TLN2: variants seen among roughly 807,000 people sequenced by gnomAD.
TLN2 encodes the protein talin 2.
Under a neutral mutation model 294.7 loss-of-function variants are expected in TLN2, and 118 were observed. The observed-to-expected ratio is 0.40, with a 90% CI of 0.34 to 0.47. The LOEUF is 0.47. TLN2 is among the 20% of genes least tolerant of loss of function. The pLI, the probability that TLN2 is intolerant of heterozygous loss-of-function variation, is 0.84. For synonymous variants in TLN2, 1,431 were observed against 1,304.5 expected (o/e 1.10, Z -2.09); for missense variants, 3,083 against 3,282.2 (o/e 0.94, Z 1.48).
At chr15:62,826,031 CAT>C (rs774295311) in intron 54 of TLN2, among the ~76,000 whole-genome samples, 30 of 148,786 alleles carry the variant, frequency 2.0e-4, no homozygotes, top group Middle Eastern at 3.4e-3. Context: ...GTCTCAAAAA[CAT>C]AAATAAATAA....
At chr15:62,630,304 C>A (rs1272355254) in intron 3 of TLN2, among the ~76,000 whole-genome samples, 4 of 152,182 alleles carry the variant, frequency 2.6e-5, no homozygotes, top group Non-Finnish European at 4.4e-5. Flanking sequence ...AAGGTACTTA[C>A]CTTCCTTAAA....
intron 1 of TLN2, among the ~76,000 whole-genome samples, chr15:62,503,967 C>T (rs2039445586): frequency 6.6e-6 from 1 of 150,896 alleles, no homozygotes; most frequent in African/African-American, 2.4e-5. Context: ...GGGATTTGGG[C>T]GCCACATCTG....
At chr15:62,553,804 T>G in intron 1 of TLN2, among the ~76,000 whole-genome samples, 1 of 152,220 alleles carries the variant, frequency 6.6e-6, no homozygotes. Context: ...AAATGCTTCC[T>G]TATTATTTAT....
At chr15:62,567,145 A>G (rs1353141637) in intron 1 of TLN2, among the ~76,000 whole-genome samples, 1 of 152,216 alleles carries the variant, frequency 6.6e-6, no homozygotes, top group Non-Finnish European at 1.5e-5. Flanking sequence ...TTTACTGGCT[A>G]AGTAGTATCC....
At chr15:62,694,857 C>T (rs1054372203) in intron 14 of TLN2, among the ~76,000 whole-genome samples, 74 of 152,182 alleles carry the variant, frequency 4.9e-4, no homozygotes, top group Admixed American at 4.5e-3. Flanking sequence ...ATAGTGCAGG[C>T]GAGTGGTTAA....
chr15:62,609,211 A>G (rs1488220208), intron 2 of TLN2, among the ~76,000 whole-genome samples: 1 of 152,238 alleles, frequency 6.6e-6, no homozygotes, highest in Non-Finnish European at 1.5e-5. Context: ...AGCTGAAAAT[A>G]CAGCACAAAA....
chr15:62,579,340 G>A (rs912774123), intron 1 of TLN2, among the ~76,000 whole-genome samples: 6 of 152,158 alleles, frequency 3.9e-5, no homozygotes, highest in African/African-American at 1.4e-4. Context: ...TGAATTTTGA[G>A]GGTTACAATA....
At chr15:62,783,642 C>T (rs1595979450) in intron 44 of TLN2, 129 bp from the exon 45 acceptor site, 2 of 1,441,462 alleles carry the variant, frequency 1.4e-6, no homozygotes, top group South Asian at 3.0e-5. Flanking sequence ...GCCTGGCCTT[C>T]ACCCCCTCAG....
chr15:62,697,738 G>T lies in TLN2; in HGVS notation c.1343G>T (p.Gly448Val). The T allele has an allele frequency of 6.2e-7, 1 of 1,611,296 alleles. No individual in the cohort carries two copies. Among genetic ancestry groups the T allele is most frequent in the Non-Finnish European group, 8.5e-7 (1 of 1,178,094 alleles). The change falls in exon 15 of 59, where the codon GGC becomes GTC. Residue 448 changes from glycine (G) to valine (V), a missense_variant. Gly to Val is a moderately radical substitution (Grantham distance 109). Coordinates refer to ENST00000636159, the MANE Select transcript of TLN2 (RefSeq NM_015059.3). ...QFNRTGKAEH[G>V]SVALPAVMRS... ...AACCGGACCGGGAAGGCAGAGCACGGCTCAGTGGCGCTGCCGGCCGTGATG... is the reference window on the plus strand; with the variant it reads ...AACCGGACCGGGAAGGCAGAGCACGTCTCAGTGGCGCTGCCGGCCGTGATG...
rs779377707 is a variant in TLN2 at position 62,796,132 on chromosome 15, C to T, written c.5889C>T (p.Ser1963=). The part of the protein sequence containing the change: ...ECARAVTEKV[S]LVLSALQAGN... ...CATTCCCTTTCTGCCTACAGGTCTC[C>T]TTGGTGCTCTCGGCTCTCCAGGCCG... The change falls in exon 47 of 59, where the codon TCC becomes TCT. Residue 1963 remains serine (S), a synonymous_variant. Transcript: ENST00000636159. 4.3e-6 allele frequency: 7 copies of T among 1,614,148 alleles called. No homozygotes were observed. In the East Asian group the frequency reaches 1.3e-4, roughly 31 times the overall value.
intron 17 of TLN2, 126 bp downstream of exon 17, chr15:62,701,340 T>C: frequency 1.2e-6 from 1 of 817,768 alleles, no homozygotes; most frequent in Non-Finnish European, 1.9e-6. Context: ...GAGGATAGTC[T>C]AAGGCACTTT....
At chr15:62,778,781 T>G (rs1227485685) in intron 43 of TLN2, among the ~76,000 whole-genome samples, 2 of 152,218 alleles carry the variant, frequency 1.3e-5, no homozygotes, top group Non-Finnish European at 2.9e-5. Context: ...GGAGCTGTTC[T>G]TCCCCCCTCA....
chr15:62,735,734 A>G (rs534594271), intron 28 of TLN2, among the ~76,000 whole-genome samples: 7 of 152,310 alleles, frequency 4.6e-5, no homozygotes, highest in Admixed American at 1.3e-4. Context: ...TCCTAGGTTT[A>G]TATCTAAGAG....
At chr15:62,571,166 G>T (rs150500911) in intron 1 of TLN2, among the ~76,000 whole-genome samples, 1 of 152,202 alleles carries the variant, frequency 6.6e-6, no homozygotes, top group Non-Finnish European at 1.5e-5. Flanking sequence ...GTAGATGCCA[G>T]TTGCACTGAG....
chr15:62,762,166 C>T, intron 38 of TLN2, 106 bp from the exon 39 acceptor site: 2 of 1,300,314 alleles, frequency 1.5e-6, no homozygotes, highest in Non-Finnish European at 2.2e-6. Context: ...TTGTCTCCTT[C>T]AAAGGGCAGA....
chr15:62,503,097 C>T (rs2039396069), intron 1 of TLN2, among the ~76,000 whole-genome samples: 1 of 149,460 alleles, frequency 6.7e-6, no homozygotes, highest in African/African-American at 2.5e-5. Context: ...GGCCAGATTG[C>T]AGACTCTGCT....
intron 42 of TLN2, among the ~76,000 whole-genome samples, chr15:62,772,295 G>A (rs2063393821): frequency 1.3e-5 from 2 of 152,162 alleles, no homozygotes; most frequent in South Asian, 4.2e-4. Context: ...TTTCATTCAT[G>A]TACTTGGCAG....
chr15:62,633,648 A>G (rs2050122918), intron 3 of TLN2, among the ~76,000 whole-genome samples: 1 of 152,158 alleles, frequency 6.6e-6, no homozygotes, highest in Non-Finnish European at 1.5e-5. Flanking sequence ...ACTGATTACC[A>G]CTTACATTTA....
intron 39 of TLN2, 105 bp downstream of exon 39, chr15:62,762,558 T>G: frequency 7.7e-7 from 1 of 1,293,900 alleles, no homozygotes; most frequent in Non-Finnish European, 1.1e-6. Context: ...TTGATCATTA[T>G]CATCTTTTTC....
Sources: allele counts gnomAD v4.1 joint callset (sites outside exome capture counted in the v4.1 genomes callset), GRCh38; gene constraint gnomAD v4.1.1; transcripts MANE v1.5; gene names NCBI Gene and HGNC (gene_info 2026-07-23, HGNC 2026-07-21).